DGKI: variants seen among roughly 807,000 people sequenced by gnomAD.
The protein encoded by DGKI is diacylglycerol kinase iota, also known as DAG kinase iota.
In DGKI, 55 loss-of-function variants were observed where a neutral mutation model predicts 147.5. The observed-to-expected ratio is 0.37, with a 90% CI of 0.30 to 0.47. DGKI has a LOEUF of 0.47. Among genes scored for constraint, DGKI ranks in the 20% least tolerant of loss-of-function variants. The pLI is 1.00. For synonymous variants in DGKI, 469 were observed against 477.1 expected (o/e 0.98, Z 0.22); for missense variants, 1,007 against 1,323.8 (o/e 0.76, Z 3.71).
intron 20 of DGKI, among the ~76,000 whole-genome samples, chr7:137,544,393 T>C (rs1049133071): frequency 2.0e-5 from 3 of 152,194 alleles, no homozygotes; most frequent in South Asian, 2.1e-4. Context: ...AGTTTGGCAA[T>C]TGAATGTCAT....
rs1172052489 is a variant in DGKI at position 137,391,166 on chromosome 7, A to C, written c.*54T>G. On this transcript the variant is annotated 3_prime_UTR_variant, in exon 33 of 33. Transcript: ENST00000614521. Reference sequence around the variant, plus strand: ...TCTTCCAGGGGAGCTGCCCAATTGCAGGGAGGGCAGATGTGATACGCTTGC... The same window carrying C: ...TCTTCCAGGGGAGCTGCCCAATTGCCGGGAGGGCAGATGTGATACGCTTGC... 2 of 1,317,578 alleles carry C rather than the reference A, an allele frequency of 1.5e-6. No individual in the cohort carries two copies. Among genetic ancestry groups the C allele is most frequent in the Non-Finnish European group, 2.2e-6 (2 of 911,010 alleles). The allele number at this position is 1,317,578 out of a possible 1,614,324, so 81.6% of individuals were successfully genotyped here.
At chr7:137,540,759 CCCCAAAAA>C (rs1817664897) in intron 20 of DGKI, among the ~76,000 whole-genome samples, 2 of 63,696 alleles carry the variant, frequency 3.1e-5, no homozygotes, top group African/African-American at 9.7e-5. Flanking sequence ...TTAAAAACCC[CCCCAAAAA>C]AAAAAAAAAA....
intron 10 of DGKI, among the ~76,000 whole-genome samples, chr7:137,601,202 C>T (rs557931376): frequency 1.3e-5 from 2 of 151,626 alleles, no homozygotes; most frequent in African/African-American, 2.4e-5. Flanking sequence ...ACCCAGGAGG[C>T]GGAGCTTGCA....
intron 1 of DGKI, among the ~76,000 whole-genome samples, chr7:137,801,222 G>A (rs1200175882): frequency 6.6e-6 from 1 of 152,174 alleles, no homozygotes; most frequent in Non-Finnish European, 1.5e-5. Context: ...GAGAAAAGAA[G>A]GAAGTACCAG....
In DGKI at chr7:137,743,679, A is replaced by G. The variant is rs112492909; in HGVS notation, c.402-53677T>C. Among the ~76,000 whole-genome samples, 577 of 152,274 alleles carry G rather than the reference A, an allele frequency of 3.8e-3. 2 individuals are homozygous for G. Among genetic ancestry groups the G allele is most frequent in the African/African-American group, 0.013 (529 of 41,546 alleles). On this transcript the variant is annotated intron_variant, in intron 1 of 32. Coordinates refer to ENST00000614521, the MANE Select transcript of DGKI (RefSeq NM_001321708.2). The stretch of plus-strand genomic sequence containing the variant: ...TAAACTTCACACATAAAGGAACTAG[A>G]AAAACAAGAACAAACTAATCTTGGC...
At chr7:137,764,272 C>G (rs761819293) in intron 1 of DGKI, among the ~76,000 whole-genome samples, 1 of 152,162 alleles carries the variant, frequency 6.6e-6, no homozygotes, top group Non-Finnish European at 1.5e-5. Context: ...AATTATTGTT[C>G]CAGGTGAACA....
chr7:137,405,467 C>T (rs1025432402), intron 30 of DGKI, among the ~76,000 whole-genome samples: 2 of 152,108 alleles, frequency 1.3e-5, no homozygotes, highest in Non-Finnish European at 2.9e-5. Context: ...AATAGAAAAA[C>T]GAAGCTCTAA....
chr7:137,695,367 G>C (rs892622967), intron 1 of DGKI, among the ~76,000 whole-genome samples: 2 of 152,160 alleles, frequency 1.3e-5, no homozygotes, highest in African/African-American at 4.8e-5. Context: ...TAAATGTGTA[G>C]GTTACAAGAA....
chr7:137,823,934 G>C (rs974231320), intron 1 of DGKI, among the ~76,000 whole-genome samples: 2 of 152,056 alleles, frequency 1.3e-5, no homozygotes, highest in African/African-American at 2.4e-5. Flanking sequence ...TAGCACACTG[G>C]GTGACTCGGC....
chr7:137,496,206 A>C (rs1815959401), intron 21 of DGKI, among the ~76,000 whole-genome samples: 1 of 152,174 alleles, frequency 6.6e-6, no homozygotes, highest in South Asian at 2.1e-4. Flanking sequence ...AATCCTATTC[A>C]CAATAGCCAC....
In DGKI at chr7:137,463,609, A is replaced by G. The variant is rs1371421199; in HGVS notation, c.2615T>C (p.Ile872Thr). ...CAGGGCAGGATTCCACCAGTCTGAG[A>G]TCCTGAGAGAAAGAAGGGCACCAGA... is the stretch of plus-strand genomic sequence containing the variant. ...PDLVVEQASG[I>T]SDWWNPALRK... Residue 872 changes from isoleucine (I) to threonine (T), a missense_variant and splice_region_variant, in exon 27 of 33, where the codon ATC (isoleucine) becomes ACC (threonine). By Grantham distance (89) the Ile-to-Thr change is moderately conservative. Transcript: ENST00000614521. The G allele has an allele frequency of 1.9e-6, 3 of 1,613,884 alleles. No homozygotes were observed. The highest frequency in any genetic ancestry group is 1.3e-5 in the African/African-American group (1 of 74,900).
chr7:137,506,416 A>G (rs978350168), intron 21 of DGKI, among the ~76,000 whole-genome samples: 15 of 152,226 alleles, frequency 9.9e-5, no homozygotes, highest in African/African-American at 3.6e-4. Context: ...CTATGCTGAC[A>G]ATAAAATAAT....
intron 17 of DGKI, among the ~76,000 whole-genome samples, chr7:137,576,976 T>C (rs960960952): frequency 2.0e-5 from 3 of 152,336 alleles, no homozygotes; most frequent in South Asian, 4.1e-4. Context: ...AAGTGACTTA[T>C]GTGACCTTCT....
At chr7:137,810,821 C>T (rs532974368) in intron 1 of DGKI, among the ~76,000 whole-genome samples, 2 of 151,656 alleles carry the variant, frequency 1.3e-5, no homozygotes, top group Non-Finnish European at 2.9e-5. Context: ...CCAATCACAA[C>T]ATATTGTCCA....
chr7:137,827,286 C>T (rs955664683), intron 1 of DGKI, among the ~76,000 whole-genome samples: 10 of 152,212 alleles, frequency 6.6e-5, no homozygotes, highest in Non-Finnish European at 1.2e-4. Flanking sequence ...TCCAATGGCT[C>T]CCTATTAACT....
chr7:137,586,810 C>T (rs896885024), intron 13 of DGKI, among the ~76,000 whole-genome samples: 7 of 152,310 alleles, frequency 4.6e-5, no homozygotes, highest in Middle Eastern at 3.4e-3. Context: ...AGACTTGAGG[C>T]CAAACTCACC....
chr7:137,653,196 G>T (rs1023666036), intron 5 of DGKI, among the ~76,000 whole-genome samples: 1 of 152,226 alleles, frequency 6.6e-6, no homozygotes, highest in Non-Finnish European at 1.5e-5. Flanking sequence ...GGCTCCTCTT[G>T]TGTCCAAAAT....
chr7:137,424,676 C>T lies in DGKI; in HGVS notation c.2762-12469G>A, dbSNP rs549835403. ...AGACGGCACCTGGAAAATCAGGTCA[C>T]TCCCACCCTAATACTGTGCTTTTCC... On this transcript the variant is annotated intron_variant, in intron 28 of 32. Coordinates refer to ENST00000614521, the MANE Select transcript of DGKI (RefSeq NM_001321708.2). Among the ~76,000 whole-genome samples the T allele has an allele frequency of 2.1e-4, 32 of 152,338 alleles. No individual in the cohort carries two copies. The South Asian group carries it at 5.0e-3, about 24-fold the overall frequency.
At chr7:137,574,216 T>A (rs1251403766) in intron 17 of DGKI, among the ~76,000 whole-genome samples, 1 of 152,346 alleles carries the variant, frequency 6.6e-6, no homozygotes, top group East Asian at 1.9e-4. Flanking sequence ...TTCCAAGAAA[T>A]CTTACAATTT....
Sources: gnomAD v4.1 joint callset for allele counts (sites outside exome capture counted in the v4.1 genomes callset) on GRCh38, gnomAD v4.1.1 for gene constraint, MANE v1.5 for transcripts, NCBI Gene and HGNC (gene_info 2026-07-23, HGNC 2026-07-21) for gene names.